The following TMEM135 variants were observed in gnomAD, a reference collection of about 807,000 sequenced individuals.
TMEM135 encodes the protein transmembrane protein 135.
In TMEM135, 30 loss-of-function variants were observed where a neutral mutation model predicts 60.3. The ratio of observed to expected loss-of-function variants is 0.50; its 90% CI spans 0.37 to 0.68. The LOEUF (loss-of-function observed/expected upper bound fraction) is 0.68. TMEM135 is among the 30% of genes least tolerant of loss of function. TMEM135 has a pLI of 0.00. For synonymous variants in TMEM135, 190 were observed against 186.7 expected, an observed-to-expected ratio of 1.02 and a Z score of -0.14; for missense variants, 468 against 548.8, an observed-to-expected ratio of 0.85 and a Z score of 1.47.
rs1200777878 is a variant in TMEM135, at chr11:87,322,715, T to A, written c.*1382T>A. 6 of 453,958 alleles carry A rather than the reference T, an allele frequency of 1.3e-5. No individual in the cohort carries two copies. The highest frequency in any genetic ancestry group is 2.6e-5 in the Non-Finnish European group (6 of 226,730). 28.1% of individuals were successfully genotyped at this position (453,958 alleles called of 1,614,324 possible). On this transcript the variant is annotated 3_prime_UTR_variant, in exon 15 of 15. Coordinates refer to ENST00000305494, the MANE Select transcript of TMEM135 (RefSeq NM_022918.4). ...AAATGCTTAATCCCTCATATTCAAT[T>A]TCATCAAGCCTTGTATACTTCTGCT...
At chr11:87,165,751 T>G (rs1160596596) in intron 5 of TMEM135, among the ~76,000 whole-genome samples, 3 of 150,726 alleles carry the variant, frequency 2.0e-5, no homozygotes, top group African/African-American at 4.9e-5. Context: ...AGAGCAGAAC[T>G]GAAGGAAATA....
intron 4 of TMEM135, among the ~76,000 whole-genome samples, chr11:87,125,097 T>C (rs1197487443): frequency 6.6e-6 from 1 of 152,122 alleles, no homozygotes; most frequent in Non-Finnish European, 1.5e-5. Flanking sequence ...GCCATCAAAG[T>C]GTCCTTCCCT....
At chr11:87,281,528 A>G (rs1317823638) in intron 6 of TMEM135, among the ~76,000 whole-genome samples, 2 of 152,252 alleles carry the variant, frequency 1.3e-5, no homozygotes, top group Non-Finnish European at 1.5e-5. Flanking sequence ...GACTATTGAT[A>G]GTATTTTATG....
At chr11:87,216,656 A>G (rs1377639872) in intron 5 of TMEM135, among the ~76,000 whole-genome samples, 1 of 152,234 alleles carries the variant, frequency 6.6e-6, no homozygotes, top group Non-Finnish European at 1.5e-5. Flanking sequence ...CTTTAAAACT[A>G]CTATTTAGAT....
chr11:87,241,793 T>A (rs1451157793), intron 6 of TMEM135, among the ~76,000 whole-genome samples: 2 of 152,028 alleles, frequency 1.3e-5, no homozygotes, highest in East Asian at 3.9e-4. Context: ...CCTGGCTTAT[T>A]TTACTTAAAG....
At chr11:87,131,309 G>A (rs996547806) in intron 4 of TMEM135, among the ~76,000 whole-genome samples, 4 of 117,054 alleles carry the variant, frequency 3.4e-5, no homozygotes, top group South Asian at 2.8e-4. Context: ...CCACCATTAC[G>A]GTATCATACA....
intron 7 of TMEM135, 54 bp from the exon 8 acceptor site, chr11:87,302,242 C>A: frequency 6.6e-7 from 1 of 1,515,932 alleles, no homozygotes; most frequent in Non-Finnish European, 9.0e-7. Flanking sequence ...TTTTTTTTTT[C>A]CTCATTGACT....
chr11:87,254,147 G>A (rs1941476606), intron 6 of TMEM135, among the ~76,000 whole-genome samples: 1 of 151,974 alleles, frequency 6.6e-6, no homozygotes. Context: ...AATAATTTGA[G>A]TATTTTTTTC....
chr11:87,193,208 ACAACAAGGTAC>A (rs1487011970), intron 5 of TMEM135, among the ~76,000 whole-genome samples: 1 of 152,162 alleles, frequency 6.6e-6, no homozygotes, highest in Non-Finnish European at 1.5e-5. Flanking sequence ...TGGAGTGGAG[ACAACAAGGTAC>A]CTGCTCTTGA....
At chr11:87,211,551 G>A (rs1002615932) in intron 5 of TMEM135, among the ~76,000 whole-genome samples, 9 of 152,148 alleles carry the variant, frequency 5.9e-5, no homozygotes, top group South Asian at 4.1e-4. Context: ...TCTTGAATTC[G>A]TGTACATTGT....
intron 6 of TMEM135, among the ~76,000 whole-genome samples, chr11:87,255,690 A>C (rs1941514497): frequency 6.6e-6 from 1 of 152,204 alleles, no homozygotes; most frequent in African/African-American, 2.4e-5. Context: ...CAATTTAAAA[A>C]ATTATCATAG....
chr11:87,173,288 T>C (rs533718979), intron 5 of TMEM135, among the ~76,000 whole-genome samples: 42 of 152,282 alleles, frequency 2.8e-4, no homozygotes, highest in African/African-American at 9.6e-4. Context: ...TAAACAAATA[T>C]TCATTGATAG....
In TMEM135 at chr11:87,045,174, T is replaced by C. The variant is rs552071574; in HGVS notation, c.141+6988T>C. Among the ~76,000 whole-genome samples the C allele has an allele frequency of 1.9e-3, 288 of 151,424 alleles. 1 individual carries two copies. Among genetic ancestry groups the C allele is most frequent in the Middle Eastern group, 0.014 (4 of 290 alleles). ...CCTCTCGAGTAGCTTGGACTACAGG[T>C]GCCTGCCACCACGCCCAGCTAATTT... is the stretch of plus-strand genomic sequence containing the variant. On this transcript the variant is annotated intron_variant, in intron 1 of 14. Coordinates refer to ENST00000305494, the MANE Select transcript of TMEM135 (RefSeq NM_022918.4).
At chr11:87,082,054 A>G (rs1035026706) in intron 3 of TMEM135, among the ~76,000 whole-genome samples, 1 of 152,336 alleles carries the variant, frequency 6.6e-6, no homozygotes, top group African/African-American at 2.4e-5. Flanking sequence ...GTGTATGTCT[A>G]TGCATACAAT....
rs1250850802 is a variant in TMEM135, at chr11:87,326,091, T to C, written c.*4758T>C. On this transcript the variant is annotated 3_prime_UTR_variant, in exon 15 of 15. Coordinates refer to ENST00000305494, the MANE Select transcript of TMEM135 (RefSeq NM_022918.4). ...CTACTATAGCTTGCCTGTTCAGTTT[T>C]TTTTTTTTTTAATATTCAGTTTTGT... 4.4e-6 allele frequency: 2 copies of C among 453,814 alleles called. No individual in the cohort carries two copies. Among genetic ancestry groups the C allele is most frequent in the African/African-American group, 4.0e-5 (2 of 49,944 alleles). The allele number at this position is 453,814 out of a possible 1,614,324, so 28.1% of individuals were successfully genotyped here.
chr11:87,117,033 G>A (rs370868141), intron 4 of TMEM135, among the ~76,000 whole-genome samples: 7 of 152,074 alleles, frequency 4.6e-5, no homozygotes, highest in African/African-American at 1.7e-4. Context: ...ATGTTGGTCA[G>A]GCTGGTCTCT....
chr11:87,260,513 T>C (rs1214915571), intron 6 of TMEM135, among the ~76,000 whole-genome samples: 2 of 146,216 alleles, frequency 1.4e-5, no homozygotes, highest in African/African-American at 2.5e-5. Flanking sequence ...TCCGGTCACT[T>C]TCCTGAATTT....
At chr11:87,053,479 AG>A (rs1480743855) in intron 1 of TMEM135, among the ~76,000 whole-genome samples, 2 of 152,174 alleles carry the variant, frequency 1.3e-5, no homozygotes, top group African/African-American at 4.8e-5. Flanking sequence ...GTACTTACTT[AG>A]GTGGTAGGCA....
Position 87,323,188 on chromosome 11 carries a change from G to A in TMEM135, c.*1855G>A, listed in dbSNP as rs777210022. On this transcript the variant is annotated 3_prime_UTR_variant, in exon 15 of 15. Transcript: ENST00000305494. ...TGAGATTGTTTAGTAAAATTTTGCTGGTCAAAAAGGTGTATTTCTACAATT... is the reference window on the plus strand; with the variant it reads ...TGAGATTGTTTAGTAAAATTTTGCTAGTCAAAAAGGTGTATTTCTACAATT... 1 of 453,632 alleles carries A rather than the reference G, an allele frequency of 2.2e-6. No individual in the cohort carries two copies. Among genetic ancestry groups the A allele is most frequent in the Non-Finnish European group, 4.4e-6 (1 of 226,662 alleles). 28.1% of individuals were successfully genotyped at this position (453,632 alleles called of 1,614,324 possible). A position where few individuals can be genotyped will look rare whatever the true frequency, so the allele number is the denominator to read the frequency against.
Sources: gnomAD v4.1 joint callset for allele counts (sites outside exome capture counted in the v4.1 genomes callset) on GRCh38, gnomAD v4.1.1 for gene constraint, MANE v1.5 for transcripts, NCBI Gene and HGNC (gene_info 2026-07-23, HGNC 2026-07-21) for gene names.